Variants in MALRD1 observed in about 807,000 individuals in gnomAD.
MALRD1 encodes MAM and LDL receptor class A domain containing 1.
MALRD1 carries 247 observed loss-of-function variants against 242.1 expected under a neutral mutation model. That is an observed-to-expected ratio of 1.02 (90% CI 0.92 to 1.13). The LOEUF is 1.13. MALRD1 is among the 50% of genes most tolerant of loss of function. The probability of loss-of-function intolerance (pLI) is 0.00; values close to 1 mark genes in which losing one functional copy is unlikely to be tolerated. For synonymous variants in MALRD1, 995 were observed against 866.6 expected (o/e 1.15, Z -2.60); for missense variants, 2,989 against 2,533.1 (o/e 1.18, Z -3.86).
At chr10:19,094,084 G>A (rs1407118972) in intron 4 of MALRD1, among the ~76,000 whole-genome samples, 2 of 109,788 alleles carry the variant, frequency 1.8e-5, no homozygotes, top group East Asian at 5.5e-4. Context: ...AGCCTACAGA[G>A]GCAGGCAGGC....
chr10:19,662,873 GA>G (rs1029509975), intron 36 of MALRD1, among the ~76,000 whole-genome samples: 1 of 152,000 alleles, frequency 6.6e-6, no homozygotes, highest in Non-Finnish European at 1.5e-5. Context: ...ATTTGTTCTA[GA>G]AAAAGCCAAG....
At chr10:19,163,125 T>G (rs1588634255) in intron 12 of MALRD1, among the ~76,000 whole-genome samples, 2 of 69,358 alleles carry the variant, frequency 2.9e-5, no homozygotes, top group African/African-American at 6.2e-5. Context: ...ACAACTGGAG[T>G]GAAACCCTGT....
At chr10:19,150,272 C>A (rs1200421648) in intron 11 of MALRD1, among the ~76,000 whole-genome samples, 5 of 152,024 alleles carry the variant, frequency 3.3e-5, no homozygotes, top group Non-Finnish European at 1.5e-5. Flanking sequence ...AGAACTCTAC[C>A]ATTCCTGACT....
intron 28 of MALRD1, among the ~76,000 whole-genome samples, chr10:19,396,346 C>T (rs1846580274): frequency 6.6e-6 from 1 of 151,854 alleles, no homozygotes. Flanking sequence ...CCATGTTGCT[C>T]AGGCTGGTGT....
chr10:19,730,723 G>C lies in MALRD1; in HGVS notation c.6332G>C (p.Gly2111Ala), dbSNP rs964872419. 9 of 1,536,618 alleles carry C rather than the reference G, an allele frequency of 5.9e-6. No individual in the cohort carries two copies. Among genetic ancestry groups the C allele is most frequent in the Middle Eastern group, 1.7e-4 (1 of 5,992 alleles). ...KVPIRKTEGS[G>A]NCAFVNPVYG... ...GCTTTAAGGAAAACCGAGGGAAGTG[G>C]TAACTGTGCCTTTGTCAATCCAGTT... Residue 2111 changes from glycine to alanine, a missense_variant, in exon 39 of 40, where the codon GGT becomes GCT. By Grantham distance (60) the Gly-to-Ala change is moderately conservative. Transcript: ENST00000454679.
intron 4 of MALRD1, among the ~76,000 whole-genome samples, chr10:19,101,755 A>G (rs1304235656): frequency 3.7e-5 from 5 of 136,206 alleles, no homozygotes; most frequent in Non-Finnish European, 7.6e-5. Context: ...TATAATATAT[A>G]TTATAATATG....
rs537821064 is a variant in MALRD1, at chr10:19,335,807, T to A, written c.3901+4225T>A. On this transcript the variant is annotated intron_variant, in intron 24 of 39. Coordinates refer to ENST00000454679, the MANE Select transcript of MALRD1 (RefSeq NM_001142308.3). ...ATAAAACATTTCATGGAGAAAAAAT[T>A]TTTTTTTATTATTATACTTTAAGTT... is the stretch of plus-strand genomic sequence containing the variant. Among the ~76,000 whole-genome samples the A allele has an allele frequency of 7.3e-5, 11 of 151,138 alleles. No individual in the cohort carries two copies. In the South Asian group the frequency reaches 2.3e-3, roughly 31 times the overall value.
At chr10:19,518,206 A>C (rs547784660) in intron 31 of MALRD1, among the ~76,000 whole-genome samples, 1 of 152,338 alleles carries the variant, frequency 6.6e-6, no homozygotes, top group East Asian at 1.9e-4. Flanking sequence ...GTTTGTGTAC[A>C]TACTAAGTTA....
chr10:19,319,191 T>C (rs181861065), intron 21 of MALRD1, among the ~76,000 whole-genome samples: 2 of 152,108 alleles, frequency 1.3e-5, no homozygotes, highest in Admixed American at 6.6e-5. Flanking sequence ...TTACGGTTAG[T>C]GATTTTTATA....
At chr10:19,720,259 C>T (rs1020408417) in intron 38 of MALRD1, among the ~76,000 whole-genome samples, 3 of 152,178 alleles carry the variant, frequency 2.0e-5, no homozygotes, top group Non-Finnish European at 4.4e-5. Flanking sequence ...CCAACACTTT[C>T]TGGGTACCTT....
chr10:19,342,911 G>A (rs1215801530), intron 24 of MALRD1, among the ~76,000 whole-genome samples: 1 of 152,032 alleles, frequency 6.6e-6, no homozygotes, highest in Non-Finnish European at 1.5e-5. Context: ...CGTTGACAGA[G>A]AAGGAAAAAT....
intron 36 of MALRD1, among the ~76,000 whole-genome samples, chr10:19,626,631 A>T (rs1295432833): frequency 6.6e-6 from 1 of 152,032 alleles, no homozygotes; most frequent in Admixed American, 6.6e-5. Flanking sequence ...ATTATAATAT[A>T]TAGAGGCCTA....
chr10:19,274,810 C>G (rs114711676), intron 19 of MALRD1, among the ~76,000 whole-genome samples: 2,390 of 151,842 alleles, frequency 0.016, 67 homozygotes, highest in African/African-American at 0.055. Flanking sequence ...AGGTGCTTGC[C>G]GAGAGCTGGG....
In MALRD1 at chr10:19,204,986, T is replaced by C. The variant is rs1432751177; in HGVS notation, c.2299T>C (p.Leu767=). The C allele has an allele frequency of 9.0e-6, 14 of 1,550,696 alleles. No individual in the cohort carries two copies. Among genetic ancestry groups the C allele is most frequent in the African/African-American group, 1.4e-5 (1 of 73,042 alleles). ...SHDSTVIWRV[L]YNQGKQWLEA... ...TGACTCAACAGTGATTTGGAGAGTA[T>C]TATACAATCAGGGCAAACAATGGTT... Residue 767 remains leucine, a synonymous_variant, in exon 17 of 40, where the codon TTA becomes CTA. Coordinates refer to ENST00000454679, the MANE Select transcript of MALRD1 (RefSeq NM_001142308.3).
chr10:19,453,368 G>T (rs1331217049), intron 29 of MALRD1, among the ~76,000 whole-genome samples: 1 of 152,182 alleles, frequency 6.6e-6, no homozygotes, highest in Non-Finnish European at 1.5e-5. Context: ...AGGGAATGGG[G>T]AGAGGGGAAT....
chr10:19,371,321 C>T (rs146957177), intron 26 of MALRD1, among the ~76,000 whole-genome samples: 1 of 152,174 alleles, frequency 6.6e-6, no homozygotes, highest in East Asian at 1.9e-4. Context: ...CACCTTTCTC[C>T]ATGGAGCATA....
At chr10:19,178,402 G>T (rs1056787960) in intron 14 of MALRD1, among the ~76,000 whole-genome samples, 15 of 152,120 alleles carry the variant, frequency 9.9e-5, no homozygotes, top group African/African-American at 3.6e-4. Context: ...ATTTAAAAAC[G>T]TGCCATGCTC....
intron 34 of MALRD1, among the ~76,000 whole-genome samples, chr10:19,605,437 G>A (rs919052352): frequency 6.6e-6 from 1 of 150,964 alleles, no homozygotes; most frequent in Non-Finnish European, 1.5e-5. Context: ...CAAAGTGCTG[G>A]GATTACAGGC....
intron 36 of MALRD1, among the ~76,000 whole-genome samples, chr10:19,677,336 C>T (rs1842177469): frequency 6.6e-6 from 1 of 152,160 alleles, no homozygotes. Flanking sequence ...AGTTTCTTGA[C>T]TTTTTAATAA....
Sources: allele counts gnomAD v4.1 joint callset (sites outside exome capture counted in the v4.1 genomes callset), GRCh38; gene constraint gnomAD v4.1.1; transcripts MANE v1.5; gene names NCBI Gene and HGNC (gene_info 2026-07-23, HGNC 2026-07-21).